Variants in DPP10 observed in about 807,000 individuals in gnomAD.
The protein encoded by DPP10 is dipeptidyl peptidase like 10.
A neutral mutation model predicts 120.9 loss-of-function variants in DPP10; 33 were observed. That is an observed-to-expected ratio of 0.27 (90% CI 0.21 to 0.37). The LOEUF (loss-of-function observed/expected upper bound fraction) is 0.37, where lower values mean the gene tolerates loss of function less well. Ranked by LOEUF, DPP10 falls within the 10% of genes least tolerant of loss-of-function variation. DPP10 has a pLI of 1.00. For synonymous variants in DPP10, 337 were observed against 326.1 expected (o/e 1.03, Z -0.36); for missense variants, 816 against 942.8 (o/e 0.87, Z 1.76).
intron 5 of DPP10, among the ~76,000 whole-genome samples, chr2:115,607,884 G>GGCTTTTTGT (rs1464787445): frequency 6.6e-6 from 1 of 152,104 alleles, no homozygotes; most frequent in Non-Finnish European, 1.5e-5. Flanking sequence ...ACCAGAGAAT[G>GGCTTTTTGT]ATTAACTTAA....
At chr2:115,415,841 T>TATATATATATATA (rs773341293) in intron 3 of DPP10, among the ~76,000 whole-genome samples, 9 of 74,288 alleles carry the variant, frequency 1.2e-4, no homozygotes, top group Non-Finnish European at 2.1e-4. Context: ...TGATTTGCTT[T>TATATATATATATA]TATATATATA....
At chr2:115,021,728 A>G (rs1027595432) in intron 1 of DPP10, among the ~76,000 whole-genome samples, 3 of 152,198 alleles carry the variant, frequency 2.0e-5, no homozygotes, top group Non-Finnish European at 4.4e-5. Flanking sequence ...CTTCAGACCA[A>G]TATCACTGAT....
intron 2 of DPP10, among the ~76,000 whole-genome samples, chr2:115,335,916 T>C (rs1034069859): frequency 6.6e-6 from 1 of 152,036 alleles, no homozygotes; most frequent in African/African-American, 2.4e-5. Flanking sequence ...GAAAGGAAAA[T>C]AGCTTGTTCT....
At chr2:115,692,643 T>C (rs191966371) in intron 7 of DPP10, among the ~76,000 whole-genome samples, 63 of 152,222 alleles carry the variant, frequency 4.1e-4, no homozygotes, top group African/African-American at 1.3e-3. Context: ...TAGGCTTTTT[T>C]AAAATTTGAA....
chr2:115,483,479 C>CTATCTACATCTGTATG (rs3980957), intron 3 of DPP10, among the ~76,000 whole-genome samples: 1 of 144,072 alleles, frequency 6.9e-6, no homozygotes, highest in Non-Finnish European at 1.5e-5. Flanking sequence ...ATCTATCTAT[C>CTATCTACATCTGTATG]TGTATGTGTA....
intron 2 of DPP10, among the ~76,000 whole-genome samples, chr2:115,323,335 T>A (rs2062164276): frequency 6.6e-6 from 1 of 152,184 alleles, no homozygotes; most frequent in Admixed American, 6.6e-5. Flanking sequence ...AGCAGTTCAG[T>A]TTCATCTTCA....
chr2:115,558,346 G>T (rs2080349712), intron 5 of DPP10, among the ~76,000 whole-genome samples: 1 of 152,158 alleles, frequency 6.6e-6, no homozygotes. Context: ...TCTGTACATT[G>T]CAAGGACTCC....
At chr2:114,867,543 A>G (rs1484393548) in intron 1 of DPP10, among the ~76,000 whole-genome samples, 1 of 152,188 alleles carries the variant, frequency 6.6e-6, no homozygotes, top group African/African-American at 2.4e-5. Flanking sequence ...AAATCTCATT[A>G]GATTTTATGA....
chr2:114,771,403 T>C (rs1379563653), intron 1 of DPP10, among the ~76,000 whole-genome samples: 1 of 152,126 alleles, frequency 6.6e-6, no homozygotes, highest in Non-Finnish European at 1.5e-5. Context: ...CCCTCGTTGT[T>C]TTACCAACCA....
intron 1 of DPP10, among the ~76,000 whole-genome samples, chr2:114,574,898 C>A (rs1457551910): frequency 6.6e-6 from 1 of 152,144 alleles, no homozygotes; most frequent in Non-Finnish European, 1.5e-5. Flanking sequence ...GCGAGGCAGG[C>A]TGCCTATGTG....
At position 115,398,624 on chromosome 2, in the gene DPP10, A is replaced by G. The variant is rs561222893; in HGVS notation, c.271+54712A>G. Among the ~76,000 whole-genome samples, 25 of 152,104 alleles carry G rather than the reference A, an allele frequency of 1.6e-4. No individual in the cohort carries two copies. The South Asian group carries it at 5.0e-3, about 30-fold the overall frequency. On this transcript the variant is annotated intron_variant, in intron 3 of 25. Transcript: ENST00000410059. ...TTTTGCATCATTAAAAGTTCTCAATAGTCTATGGTGTCCTAGAACATATTA... is the reference window on the plus strand; with the variant it reads ...TTTTGCATCATTAAAAGTTCTCAATGGTCTATGGTGTCCTAGAACATATTA...
At chr2:115,019,939 A>G (rs13002189) in intron 1 of DPP10, among the ~76,000 whole-genome samples, 2 of 152,366 alleles carry the variant, frequency 1.3e-5, no homozygotes, top group East Asian at 3.9e-4. Context: ...AAGGAAAGAT[A>G]CAGTCTTTTC....
chr2:115,401,676 G>A (rs1336246917), intron 3 of DPP10, among the ~76,000 whole-genome samples: 1 of 152,126 alleles, frequency 6.6e-6, no homozygotes, highest in Non-Finnish European at 1.5e-5. Flanking sequence ...CAATTAAGTA[G>A]AGTATCAGTG....
intron 1 of DPP10, among the ~76,000 whole-genome samples, chr2:115,051,274 T>C (rs959588963): frequency 1.3e-5 from 2 of 151,820 alleles, no homozygotes; most frequent in African/African-American, 4.8e-5. Context: ...AAAATAATGA[T>C]AACAATGTAT....
intron 1 of DPP10, among the ~76,000 whole-genome samples, chr2:114,855,602 C>T (rs563969792): frequency 6.6e-6 from 1 of 152,296 alleles, no homozygotes; most frequent in South Asian, 2.1e-4. Context: ...GCGTTCTTCA[C>T]ATACAGCCTA....
At chr2:115,318,093 T>A (rs1268382558) in intron 2 of DPP10, among the ~76,000 whole-genome samples, 1 of 152,122 alleles carries the variant, frequency 6.6e-6, no homozygotes, top group African/African-American at 2.4e-5. Flanking sequence ...ACATGGGTCA[T>A]TGATTCATTT....
rs537765707 is a variant in DPP10 at position 115,070,770 on chromosome 2, T to G, written c.61-238469T>G. Among the ~76,000 whole-genome samples, 9 of 152,304 alleles carry G rather than the reference T, an allele frequency of 5.9e-5. No homozygotes were observed. The South Asian group carries it at 1.9e-3, about 32-fold the overall frequency. ...TACTAATTTGTTAATTAAATAAATATCATTTTAATTCACAACAGTTGACAC... is the reference window on the plus strand; with the variant it reads ...TACTAATTTGTTAATTAAATAAATAGCATTTTAATTCACAACAGTTGACAC... On this transcript the variant is annotated intron_variant, in intron 1 of 25. Transcript: ENST00000410059.
rs796567361 is a variant in DPP10, at chr2:114,792,537, G to A, written c.60+349699G>A. 5.3e-5 allele frequency among the ~76,000 whole-genome samples: 8 copies of A among 152,320 alleles called. 1 individual carries two copies. The highest frequency in any genetic ancestry group is 1.7e-4 in the African/African-American group (7 of 41,570). On this transcript the variant is annotated intron_variant, in intron 1 of 25. Transcript: ENST00000410059. Reference sequence around the variant, plus strand: ...CTGCTTGCAAGGTTGGCCCTTGGCTGCCATCTGGGAACATGTATTTTGAGA... The same window carrying A: ...CTGCTTGCAAGGTTGGCCCTTGGCTACCATCTGGGAACATGTATTTTGAGA...
chr2:114,783,690 C>T (rs565020961), intron 1 of DPP10, among the ~76,000 whole-genome samples: 32 of 151,920 alleles, frequency 2.1e-4, no homozygotes, highest in East Asian at 7.8e-4. Flanking sequence ...AAAAATTAGC[C>T]GGGTGAGGTG....
Sources: gnomAD v4.1 joint callset for allele counts (sites outside exome capture counted in the v4.1 genomes callset) on GRCh38, gnomAD v4.1.1 for gene constraint, MANE v1.5 for transcripts, NCBI Gene and HGNC (gene_info 2026-07-23, HGNC 2026-07-21) for gene names.